Variants in AHCTF1 observed in about 807,000 individuals in gnomAD.
AHCTF1 encodes AT-hook containing transcription factor 1.
A neutral mutation model predicts 248.4 loss-of-function variants in AHCTF1; 24 were observed. That is an observed-to-expected ratio of 0.10 (90% CI 0.07 to 0.14). The LOEUF (loss-of-function observed/expected upper bound fraction) is 0.14. Ranked by LOEUF, AHCTF1 falls within the 10% of genes least tolerant of loss-of-function variation. AHCTF1 has a pLI of 1.00. For missense variants in AHCTF1, 2,206 were observed against 2,636.2 expected, an observed-to-expected ratio of 0.84 and a Z score of 3.57; for synonymous variants, 786 against 929.8, an observed-to-expected ratio of 0.85 and a Z score of 2.81.
chr1:246,895,329 C>T (rs892809941), intron 13 of AHCTF1, among the ~76,000 whole-genome samples: 1 of 152,034 alleles, frequency 6.6e-6, no homozygotes, highest in Admixed American at 6.6e-5. Context: ...TTATGGGCTA[C>T]AAAAGCATGA....
intron 1 of AHCTF1, among the ~76,000 whole-genome samples, chr1:246,927,601 T>A (rs941529072): frequency 6.6e-6 from 1 of 152,268 alleles, no homozygotes; most frequent in Non-Finnish European, 1.5e-5. Flanking sequence ...AATCCCAGCC[T>A]TTTATGACAT....
intron 16 of AHCTF1, among the ~76,000 whole-genome samples, chr1:246,890,294 C>A (rs1249288394): frequency 2.0e-5 from 3 of 152,128 alleles, no homozygotes; most frequent in African/African-American, 7.2e-5. Flanking sequence ...ATCCTGGAAA[C>A]TGTTCTAAAT....
chr1:246,931,053 G>A, intron 1 of AHCTF1: 2 of 1,525,504 alleles, frequency 1.3e-6, no homozygotes, highest in Admixed American at 4.2e-5. Flanking sequence ...AAATCTCCTT[G>A]ATCTGACCAA....
At chr1:246,886,717 T>A (rs1290572126) in intron 20 of AHCTF1, among the ~76,000 whole-genome samples, 2 of 152,190 alleles carry the variant, frequency 1.3e-5, no homozygotes, top group Non-Finnish European at 1.5e-5. Context: ...TGCCATTTTA[T>A]ATAAGAGACA....
chr1:246,913,511 A>C (rs1665947090), intron 3 of AHCTF1, 99 bp from the exon 4 acceptor site: 3 of 1,152,896 alleles, frequency 2.6e-6, no homozygotes, highest in Non-Finnish European at 3.6e-6. Flanking sequence ...GTTATAATAG[A>C]TTTAAGACTA....
intron 17 of AHCTF1, among the ~76,000 whole-genome samples, chr1:246,888,981 C>G (rs572974922): frequency 8.9e-4 from 135 of 152,246 alleles, no homozygotes; most frequent in Middle Eastern, 3.4e-3. Context: ...GAGAGTTAGT[C>G]GGATAAGCCC....
chr1:246,917,205 G>A (rs562437381), intron 2 of AHCTF1, among the ~76,000 whole-genome samples: 2 of 152,320 alleles, frequency 1.3e-5, no homozygotes, highest in Admixed American at 6.5e-5. Context: ...AGAGAAAAGT[G>A]GGTTGACTGG....
At chr1:246,917,697 G>T (rs1299621780) in intron 2 of AHCTF1, among the ~76,000 whole-genome samples, 1 of 152,170 alleles carries the variant, frequency 6.6e-6, no homozygotes, top group Non-Finnish European at 1.5e-5. Flanking sequence ...CTGGGAAGAT[G>T]GCTACGAAGC....
At position 246,895,892 on chromosome 1, in the gene AHCTF1, T is replaced by C. The variant is rs778054918; in HGVS notation, c.1657A>G (p.Ile553Val). 16 of 1,613,556 alleles carry C rather than the reference T, an allele frequency of 9.9e-6. No individual in the cohort carries two copies. The Admixed American group carries it at 2.0e-4, about 20-fold the overall frequency. ...AAAAGTCCCAGGGAACTAGTCTGAA[T>C]TGCTGCTGACAATATAGCTTCTAAC... ...EQLEAILSAA[I>V]QTSSLGLLTG... Residue 553 changes from isoleucine to valine, a missense_variant, in exon 13 of 36, where the codon ATT becomes GTT. By Grantham distance (29) the Ile-to-Val change is conservative. Around this residue, in one of 6 missense-constraint regions of AHCTF1, gnomAD observed 650 missense variants for 870.8 expected, o/e 0.75. Transcript: ENST00000648844.
chr1:246,867,892 C>G, intron 24 of AHCTF1, 81 bp from the exon 25 acceptor site: 2 of 234,458 alleles, frequency 8.5e-6, no homozygotes, highest in South Asian at 1.1e-4. Context: ...AATGATTACA[C>G]CCCCCCCCCC....
intron 26 of AHCTF1, among the ~76,000 whole-genome samples, chr1:246,866,470 A>T (rs1661986542): frequency 6.9e-6 from 1 of 145,860 alleles, no homozygotes; most frequent in South Asian, 2.2e-4. Context: ...AAAAAGAAAA[A>T]TCCTTTCAAG....
intron 33 of AHCTF1, among the ~76,000 whole-genome samples, chr1:246,848,702 C>T (rs1660467036): frequency 1.4e-5 from 2 of 138,278 alleles, no homozygotes; most frequent in Admixed American, 1.5e-4. Context: ...GCTGTCTCTA[C>T]AAATACAAAA....
chr1:246,841,477 G>A (rs1054131735), intron 35 of AHCTF1, among the ~76,000 whole-genome samples: 3 of 152,154 alleles, frequency 2.0e-5, no homozygotes, highest in Non-Finnish European at 4.4e-5. Flanking sequence ...TAGCCATAGT[G>A]TCTTAAATAA....
chr1:246,874,910 AG>A (rs752478555), intron 24 of AHCTF1, among the ~76,000 whole-genome samples: 1 of 152,190 alleles, frequency 6.6e-6, no homozygotes, highest in Non-Finnish European at 1.5e-5. Context: ...AGAGTCTCCC[AG>A]GATTATAGAA....
intron 21 of AHCTF1, among the ~76,000 whole-genome samples, chr1:246,884,077 A>AT (rs71566675): frequency 2.4e-4 from 36 of 152,168 alleles, no homozygotes; most frequent in African/African-American, 8.7e-4. Context: ...TGAAAAAAAA[A>AT]TTTATATGCT....
intron 1 of AHCTF1, among the ~76,000 whole-genome samples, chr1:246,927,565 G>A (rs1054199718): frequency 2.0e-5 from 3 of 152,216 alleles, no homozygotes; most frequent in Admixed American, 1.3e-4. Context: ...AAACACCTAC[G>A]TTCAGTACTG....
In AHCTF1 at chr1:246,913,095, AC is replaced by A. The variant is rs2103213976; in HGVS notation, c.556+136del. The A allele has an allele frequency of 5.6e-6, 4 of 708,510 alleles. No homozygotes were observed. In the South Asian group the frequency reaches 8.4e-5, roughly 15 times the overall value. The allele number at this position is 708,510 out of a possible 1,614,324, so 43.9% of individuals were successfully genotyped here. The stretch of plus-strand genomic sequence containing the variant: ...CAGACAATAAAAAAGATTTTAAAAT[AC>A]CTTTTTTTTTTTTATAGATAGGAAG... On this transcript the variant is annotated intron_variant, in intron 4 of 35. Transcript: ENST00000648844.
At chr1:246,848,829 G>A (rs1032386974) in intron 33 of AHCTF1, among the ~76,000 whole-genome samples, 11 of 145,742 alleles carry the variant, frequency 7.5e-5, no homozygotes, top group African/African-American at 2.6e-5. Flanking sequence ...CAGCCTGGGC[G>A]ACAGAGTGAG....
At chr1:246,889,520 T>C (rs1276657063) in intron 17 of AHCTF1, among the ~76,000 whole-genome samples, 1 of 152,218 alleles carries the variant, frequency 6.6e-6, no homozygotes. Flanking sequence ...CCCAAGCTAA[T>C]GTTCACTCTC....
Sources: allele counts gnomAD v4.1 joint callset (sites outside exome capture counted in the v4.1 genomes callset), GRCh38; gene constraint gnomAD v4.1.1; regional missense constraint gnomAD v4.1.1; transcripts MANE v1.5; gene names NCBI Gene and HGNC (gene_info 2026-07-23, HGNC 2026-07-21).